HAUS2: variants seen among roughly 807,000 people sequenced by gnomAD.
HAUS2 encodes HAUS augmin-like complex subunit 2.
In HAUS2, 20 loss-of-function variants were observed where a neutral mutation model predicts 21.6. The ratio of observed to expected loss-of-function variants is 0.93; its 90% CI spans 0.65 to 1.35. The LOEUF is 1.35. Among genes scored for constraint, HAUS2 ranks in the 40% most tolerant of loss-of-function variants. The pLI is 0.00. For missense variants in HAUS2, 297 were observed against 280.7 expected (o/e 1.06, Z -0.42); for synonymous variants, 113 against 95.6 (o/e 1.18, Z -1.06).
At chr15:42,550,711 C>T (rs1232693732) in intron 1 of HAUS2, among the ~76,000 whole-genome samples, 1 of 152,148 alleles carries the variant, frequency 6.6e-6, no homozygotes, top group Non-Finnish European at 1.5e-5. Flanking sequence ...CTCTGTTGCC[C>T]AGGCTGGAGT....
At chr15:42,566,072 C>T (rs866877826) in intron 5 of HAUS2, among the ~76,000 whole-genome samples, 2 of 151,904 alleles carry the variant, frequency 1.3e-5, no homozygotes, top group Non-Finnish European at 2.9e-5. Context: ...CGTGGTGGCA[C>T]GTGCCTGTAG....
rs2057909924 is a variant in HAUS2, at chr15:42,566,647, CAG to C, written c.541_542del (p.Glu181ArgfsTer11). 1.2e-6 allele frequency: 2 copies of C among 1,609,354 alleles called. No homozygotes were observed. Among genetic ancestry groups the C allele is most frequent in the African/African-American group, 2.7e-5 (2 of 74,906 alleles). On this transcript the variant is annotated frameshift_variant, in exon 6 of 6. Coordinates refer to ENST00000260372, the MANE Select transcript of HAUS2 (RefSeq NM_018097.3). LOFTEE classifies it high-confidence loss of function. Reference sequence around the variant, plus strand: ...AAGATGGATATATTGGTGACTGAGACAGAAGAACTGGCAGAGAATATACTCAA... The same window carrying C: ...AAGATGGATATATTGGTGACTGAGACAAGAACTGGCAGAGAATATACTCAA...
chr15:42,562,441 C>A (rs879461575), intron 4 of HAUS2, among the ~76,000 whole-genome samples: 2 of 151,994 alleles, frequency 1.3e-5, no homozygotes, highest in African/African-American at 2.4e-5. Context: ...CCAAAACATA[C>A]GAAATATGCT....
At chr15:42,560,267 G>C (rs2057835119) in intron 3 of HAUS2, among the ~76,000 whole-genome samples, 2 of 152,086 alleles carry the variant, frequency 1.3e-5, no homozygotes, top group South Asian at 4.1e-4. Flanking sequence ...TTTTGAATTT[G>C]ATAATGTGCT....
intron 1 of HAUS2, among the ~76,000 whole-genome samples, chr15:42,554,431 G>A (rs1267240645): frequency 6.6e-6 from 1 of 151,090 alleles, no homozygotes; most frequent in Non-Finnish European, 1.5e-5. Context: ...TGTAAACTCT[G>A]TACTATTCCC....
chr15:42,550,997 CTTTTTT>C (rs56371573), intron 1 of HAUS2, among the ~76,000 whole-genome samples: 1 of 132,802 alleles, frequency 7.5e-6, no homozygotes, highest in Non-Finnish European at 1.6e-5. Flanking sequence ...CTTTTCTTTT[CTTTTTT>C]TTTTTTTTCT....
At position 42,566,742 on chromosome 15, in the gene HAUS2, T is replaced by C. The variant is rs1208768437; in HGVS notation, c.634T>C (p.Tyr212His). The C allele has an allele frequency of 6.4e-7, 1 of 1,563,676 alleles. No individual in the cohort carries two copies. The highest frequency in any genetic ancestry group is 8.8e-7 in the Non-Finnish European group (1 of 1,134,208). The change falls in exon 6 of 6, where the codon TAT becomes CAT. Residue 212 changes from tyrosine (Y) to histidine (H), a missense_variant. Coordinates refer to ENST00000260372, the MANE Select transcript of HAUS2 (RefSeq NM_018097.3). Reference sequence around the variant, plus strand: ...AATATTAGCTGAAGAAAGTTATCTTTATAAACATGATATTATAATGCCTCC... The same window carrying C: ...AATATTAGCTGAAGAAAGTTATCTTCATAAACATGATATTATAATGCCTCC... The part of the protein sequence containing the change: ...PKILAEESYL[Y>H]KHDIIMPPLP...
At chr15:42,562,842 C>T (rs911037902) in intron 4 of HAUS2, among the ~76,000 whole-genome samples, 2 of 152,202 alleles carry the variant, frequency 1.3e-5, no homozygotes, top group African/African-American at 4.8e-5. Context: ...GGCGTCATGG[C>T]TCACGCCTGT....
intron 1 of HAUS2, among the ~76,000 whole-genome samples, chr15:42,556,524 A>G (rs1228229505): frequency 6.6e-6 from 1 of 151,638 alleles, no homozygotes; most frequent in Non-Finnish European, 1.5e-5. Context: ...CTCGGCCTCC[A>G]AAGTTCGGGA....
intron 1 of HAUS2, among the ~76,000 whole-genome samples, chr15:42,550,464 A>G (rs912750219): frequency 2.6e-5 from 4 of 152,160 alleles, no homozygotes; most frequent in African/African-American, 9.7e-5. Context: ...GGAGAATTAG[A>G]TCTTAGTACT....
At chr15:42,560,517 A>G (rs1423248214) in intron 3 of HAUS2, among the ~76,000 whole-genome samples, 1 of 152,202 alleles carries the variant, frequency 6.6e-6, no homozygotes, top group Non-Finnish European at 1.5e-5. Context: ...ACTTTTCTGC[A>G]AATCTGAATT....
chr15:42,565,084 G>C (rs969191010), intron 5 of HAUS2, among the ~76,000 whole-genome samples: 5 of 150,676 alleles, frequency 3.3e-5, no homozygotes, highest in African/African-American at 1.2e-4. Flanking sequence ...TGATCCACCT[G>C]CCTCAGCCTC....
intron 1 of HAUS2, among the ~76,000 whole-genome samples, chr15:42,549,949 G>A (rs2057704815): frequency 6.6e-6 from 1 of 152,042 alleles, no homozygotes; most frequent in East Asian, 1.9e-4. Context: ...GGGAGAAATT[G>A]AACATGTGAG....
chr15:42,549,518 C>T (rs906676554), intron 1 of HAUS2, among the ~76,000 whole-genome samples: 5 of 151,898 alleles, frequency 3.3e-5, no homozygotes, highest in African/African-American at 9.7e-5. Context: ...GTGGTCTCGG[C>T]TCACTGCAAC....
At chr15:42,564,645 A>G (rs566767948) in intron 5 of HAUS2, among the ~76,000 whole-genome samples, 1 of 152,310 alleles carries the variant, frequency 6.6e-6, no homozygotes, top group African/African-American at 2.4e-5. Flanking sequence ...GAAGACTTCA[A>G]TAAAGTTTTT....
intron 3 of HAUS2, chr15:42,560,927 T>TTA: frequency 1.5e-6 from 1 of 677,160 alleles, no homozygotes. Flanking sequence ...TTATAGACTA[T>TTA]TAGAGTCAGG....
chr15:42,561,485 C>T (rs1481648218), intron 4 of HAUS2, 83 bp downstream of exon 4: 1 of 826,842 alleles, frequency 1.2e-6, no homozygotes, highest in Admixed American at 2.0e-5. Flanking sequence ...TAGCAGAATT[C>T]ATAAAACAAT....
chr15:42,564,284 A>AAAG (rs1278902566), intron 5 of HAUS2, among the ~76,000 whole-genome samples: 6 of 151,612 alleles, frequency 4.0e-5, no homozygotes, highest in Non-Finnish European at 7.4e-5. Flanking sequence ...AAAAAAAAAA[A>AAAG]AAGAAGAAGA....
intron 1 of HAUS2, 76 bp from the exon 2 acceptor site, chr15:42,558,122 C>G: frequency 1.5e-6 from 1 of 686,522 alleles, no homozygotes; most frequent in Middle Eastern, 3.4e-4. Flanking sequence ...ATATTTTAGA[C>G]TATGGGCATG....
Sources: gnomAD v4.1 joint callset for allele counts (sites outside exome capture counted in the v4.1 genomes callset) on GRCh38, gnomAD v4.1.1 for gene constraint, MANE v1.5 for transcripts, NCBI Gene and HGNC (gene_info 2026-07-23, HGNC 2026-07-21) for gene names.